Variants in TRAPPC8 observed in about 807,000 individuals in gnomAD.
TRAPPC8 encodes the protein trafficking protein particle complex subunit 8, also known as general sporulation gene 1 homolog.
Under a neutral mutation model 174.3 loss-of-function variants are expected in TRAPPC8, and 54 were observed. The ratio of observed to expected loss-of-function variants is 0.31; its 90% confidence interval spans 0.25 to 0.39. The LOEUF (loss-of-function observed/expected upper bound fraction) is 0.39. Ranked by LOEUF, TRAPPC8 falls within the 10% of genes least tolerant of loss-of-function variation. The pLI is 1.00. For missense variants in TRAPPC8, 1,531 were observed against 1,699.1 expected (o/e 0.90, Z 1.74); for synonymous variants, 630 against 579.9 (o/e 1.09, Z -1.24).
intron 2 of TRAPPC8, among the ~76,000 whole-genome samples, chr18:31,925,789 G>A (rs920346148): frequency 1.3e-5 from 2 of 152,184 alleles, no homozygotes; most frequent in African/African-American, 4.8e-5. Context: ...GCTTTTTTAA[G>A]AGCAATGCTT....
chr18:31,934,265 A>G (rs767795175), intron 1 of TRAPPC8, among the ~76,000 whole-genome samples: 10 of 152,116 alleles, frequency 6.6e-5, no homozygotes, highest in Non-Finnish European at 1.0e-4. Context: ...AAGATAAGGT[A>G]GAAAGAAAAC....
rs535028357 is a variant in TRAPPC8, at chr18:31,937,267, G to A, written c.157+5341C>T. ...AATTTAAGGCCGGTCGCAGTGGCTC[G>A]CGCCTGTAATCAAAGCACTTTGGGA... On this transcript the variant is annotated intron_variant, in intron 1 of 28. Transcript: ENST00000283351. Among the ~76,000 whole-genome samples, 11 of 152,178 alleles carry A rather than the reference G, an allele frequency of 7.2e-5. No individual in the cohort carries two copies. In the South Asian group the frequency reaches 1.9e-3, roughly 26 times the overall value.
intron 10 of TRAPPC8, among the ~76,000 whole-genome samples, 163 bp downstream of exon 10, chr18:31,900,762 A>G (rs1401206765): frequency 6.6e-6 from 1 of 152,212 alleles, no homozygotes; most frequent in South Asian, 2.1e-4. Flanking sequence ...CAAACAAAAT[A>G]GAAAAGAAAA....
In TRAPPC8 at chr18:31,916,457, A is replaced by G. The variant is rs114748619; in HGVS notation, c.443-11T>C. 142 of 1,599,454 alleles carry G rather than the reference A, an allele frequency of 8.9e-5. No homozygotes were observed. The African/African-American group carries it at 1.3e-3, about 15-fold the overall frequency. ...ACGCTACCAACATACCTTGTAAACC[A>G]TATTATTAAGGTAATTATCGCTTAT... On this transcript the variant is annotated splice_polypyrimidine_tract_variant and intron_variant, in intron 3 of 28. Transcript: ENST00000283351.
At chr18:31,859,823 C>T (rs1459956378) in intron 19 of TRAPPC8, among the ~76,000 whole-genome samples, 1 of 152,108 alleles carries the variant, frequency 6.6e-6, no homozygotes, top group Non-Finnish European at 1.5e-5. Context: ...TGAGACCAGC[C>T]TGACCAACAT....
At chr18:31,916,476 C>T (rs771728588) in intron 3 of TRAPPC8, 30 bp from the exon 4 acceptor site, 7 of 1,565,836 alleles carry the variant, frequency 4.5e-6, no homozygotes, top group South Asian at 1.2e-5. Flanking sequence ...AGGTAATTAT[C>T]GCTTATTACT....
Position 31,942,646 on chromosome 18 carries a change from G to A in TRAPPC8, c.119C>T (p.Ala40Val), listed in dbSNP as rs1000674315. Residue 40 changes from alanine to valine, a missense_variant, in exon 1 of 29, where the codon GCG becomes GTG. Transcript: ENST00000283351. The part of the protein sequence containing the change: ...RLTRLNHLSF[A>V]ELLKPFSRLT... ...GCGGGAGAAGGGCTTAAGCAGCTCC[G>A]CGAAGCTGAGGTGATTGAGACGAGT... 5.6e-6 allele frequency: 9 copies of A among 1,611,006 alleles called. No individual in the cohort carries two copies. Among genetic ancestry groups the A allele is most frequent in the South Asian group, 1.1e-5 (1 of 90,586 alleles).
chr18:31,922,991 T>C (rs2037455133), intron 2 of TRAPPC8, among the ~76,000 whole-genome samples: 2 of 152,158 alleles, frequency 1.3e-5, no homozygotes, highest in African/African-American at 4.8e-5. Flanking sequence ...AACTCCAGCA[T>C]GGGTGACATA....
chr18:31,851,709 T>A (rs1258014589), intron 24 of TRAPPC8, among the ~76,000 whole-genome samples: 3 of 151,882 alleles, frequency 2.0e-5, no homozygotes, highest in African/African-American at 7.3e-5. Flanking sequence ...CCCTAGAGAG[T>A]AATAGCTTTA....
chr18:31,893,409 G>A (rs968791901), intron 11 of TRAPPC8, among the ~76,000 whole-genome samples: 5 of 151,900 alleles, frequency 3.3e-5, no homozygotes, highest in African/African-American at 4.8e-5. Flanking sequence ...GTGTGCGCGC[G>A]CGCGTGTGCC....
chr18:31,932,673 A>C (rs1598758719), intron 1 of TRAPPC8, among the ~76,000 whole-genome samples: 1 of 152,290 alleles, frequency 6.6e-6, no homozygotes, highest in East Asian at 1.9e-4. Context: ...AATGTTCCAC[A>C]GTAGCATTAA....
intron 9 of TRAPPC8, among the ~76,000 whole-genome samples, chr18:31,902,614 T>A (rs1324331518): frequency 6.6e-6 from 1 of 152,164 alleles, no homozygotes; most frequent in Non-Finnish European, 1.5e-5. Flanking sequence ...TATCATCTGT[T>A]ATAGAGACAA....
chr18:31,852,184 T>TA (rs140527801), intron 24 of TRAPPC8, among the ~76,000 whole-genome samples: 7,268 of 151,732 alleles, frequency 0.048, 243 homozygotes, highest in East Asian at 0.091. Context: ...CTATAAAAAA[T>TA]AAAAAAACTA....
chr18:31,900,994 G>A lies in TRAPPC8; in HGVS notation c.1421C>T (p.Pro474Leu), dbSNP rs2036398004. The change falls in exon 10 of 29, where the codon CCA becomes CTA. Residue 474 changes from proline (P) to leucine (L), a missense_variant. Physicochemically the swap from Pro to Leu is moderately conservative, Grantham distance 98. Transcript: ENST00000283351. ...EMAAVSAFLQ[P>L]GAPRPYPAHY... ...AGCAGGATATGGCCTAGGTGCTCCTGGTTGAAGAAAAGCAGACACTGCTGC... is the reference window on the plus strand; with the variant it reads ...AGCAGGATATGGCCTAGGTGCTCCTAGTTGAAGAAAAGCAGACACTGCTGC... The A allele has an allele frequency of 6.3e-7, 1 of 1,586,132 alleles. No homozygotes were observed. Among genetic ancestry groups the A allele is most frequent in the Non-Finnish European group, 8.5e-7 (1 of 1,172,234 alleles).
At position 31,928,184 on chromosome 18, in the gene TRAPPC8, A is replaced by AAAATT. The variant is rs1318259950; in HGVS notation, c.352+3140_352+3144dup. The stretch of plus-strand genomic sequence containing the variant: ...AAAATAAAATAAAATAAAATAAAAT[A>AAAATT]AAATTAAAATTAAATAAAATAAAAA... On this transcript the variant is annotated intron_variant, in intron 2 of 28. Transcript: ENST00000283351. 4.6e-5 allele frequency among the ~76,000 whole-genome samples: 7 copies of AAAATT among 150,684 alleles called. 1 individual carries two copies. The South Asian group carries it at 6.3e-4, about 13-fold the overall frequency.
intron 9 of TRAPPC8, 79 bp from the exon 10 acceptor site, chr18:31,901,104 T>A: frequency 1.6e-6 from 2 of 1,285,366 alleles, no homozygotes. Context: ...AAAGTTGGAA[T>A]GAAATTTGCT....
rs749972515 is a variant in TRAPPC8, at chr18:31,880,081, G to GAAAAA, written c.1729-5382_1729-5378dup. 9.7e-3 allele frequency among the ~76,000 whole-genome samples: 508 copies of GAAAAA among 52,550 alleles called. 1 individual carries two copies. The highest frequency in any genetic ancestry group is 0.015 in the African/African-American group (161 of 10,636). 34.5% of individuals were successfully genotyped at this position (52,550 alleles called of 152,430 possible). On this transcript the variant is annotated intron_variant, in intron 12 of 28. Transcript: ENST00000283351. Reference sequence around the variant, plus strand: ...TGGTACCAATTTTACTGAAACTATTGAAAAAAAAAATATATATATATATAT... The same window carrying GAAAAA: ...TGGTACCAATTTTACTGAAACTATTGAAAAAAAAAAAAAAATATATATATATATAT...
chr18:31,889,022 T>A (rs146528242), intron 12 of TRAPPC8, among the ~76,000 whole-genome samples: 1 of 152,314 alleles, frequency 6.6e-6, no homozygotes, highest in East Asian at 1.9e-4. Flanking sequence ...AAGAGACTGT[T>A]CTTGATGAAC....
At chr18:31,906,175 G>GAA (rs113306306) in intron 9 of TRAPPC8, among the ~76,000 whole-genome samples, 5 of 131,608 alleles carry the variant, frequency 3.8e-5, no homozygotes, top group Non-Finnish European at 6.6e-5. Flanking sequence ...CTAAAAATAC[G>GAA]AAAAAAAAAA....
Sources: gnomAD v4.1 joint callset for allele counts (sites outside exome capture counted in the v4.1 genomes callset) on GRCh38, gnomAD v4.1.1 for gene constraint, MANE v1.5 for transcripts, NCBI Gene and HGNC (gene_info 2026-07-23, HGNC 2026-07-21) for gene names.